TTLL7: variants seen among roughly 807,000 people sequenced by gnomAD.
TTLL7 encodes the protein tubulin polyglutamylase TTLL7.
In TTLL7, 53 loss-of-function variants were observed where a neutral mutation model predicts 120.2. The observed-to-expected ratio is 0.44, with a 90% CI of 0.35 to 0.55. TTLL7 has a LOEUF of 0.55. Among genes scored for constraint, TTLL7 ranks in the 20% least tolerant of loss-of-function variants. The pLI is 0.00. For synonymous variants in TTLL7, 353 were observed against 351.7 expected (o/e 1.00, Z -0.04); for missense variants, 803 against 1,054.7 (o/e 0.76, Z 3.31).
At chr1:83,924,643 G>GCC (rs1658963382) in intron 10 of TTLL7, among the ~76,000 whole-genome samples, 1 of 152,116 alleles carries the variant, frequency 6.6e-6, no homozygotes, top group Admixed American at 6.6e-5. Context: ...AGAGATGGAT[G>GCC]GTGGTGATAG....
Position 83,911,220 on chromosome 1 carries a change from C to T in TTLL7, c.1731G>A (p.Lys577=), listed in dbSNP as rs773385633. 9 of 1,613,164 alleles carry T rather than the reference C, an allele frequency of 5.6e-6. No individual in the cohort carries two copies. Among genetic ancestry groups the T allele is most frequent in the Non-Finnish European group, 6.8e-6 (8 of 1,179,426 alleles). Residue 577 remains lysine (K), a synonymous_variant, in exon 15 of 21, where the codon AAG becomes AAA. Coordinates refer to ENST00000260505, the MANE Select transcript of TTLL7 (RefSeq NM_024686.6). Reference sequence around the variant, plus strand: ...AGGGTTTAAGATTATATGTAACTTGCTTTTCTCTTTTCTTATTTTGGTACT... The same window carrying T: ...AGGGTTTAAGATTATATGTAACTTGTTTTTCTCTTTTCTTATTTTGGTACT... The part of the protein sequence containing the change: ...KEEYQNKKRE[K]QVTYNLKPSN...
At chr1:83,884,087 TCATGGTTTATATCAGGAAACACCTCA>T (rs2100712566) in intron 19 of TTLL7, among the ~76,000 whole-genome samples, 2 of 151,676 alleles carry the variant, frequency 1.3e-5, no homozygotes, top group Admixed American at 1.3e-4. Context: ...CATCATGGCA[TCATGGTTTATATCAGGAAACACCTCA>T]CTACTCCACC....
chr1:83,908,606 C>G (rs1398641190), intron 15 of TTLL7, among the ~76,000 whole-genome samples: 1 of 151,946 alleles, frequency 6.6e-6, no homozygotes, highest in Non-Finnish European at 1.5e-5. Context: ...ACCAACTGTT[C>G]CAGATAAATT....
rs144820907 is a variant in TTLL7 at position 83,943,830 on chromosome 1, T to C, written c.507-1151A>G. On this transcript the variant is annotated intron_variant, in intron 6 of 20. Coordinates refer to ENST00000260505, the MANE Select transcript of TTLL7 (RefSeq NM_024686.6). ...TTGCGAGGAAGCCCAGACATTGGGT[T>C]TACTGGATAATCAACTATTTAAAAT... Among the ~76,000 whole-genome samples the C allele has an allele frequency of 3.0e-3, 460 of 152,308 alleles. 2 individuals carry two copies. Among genetic ancestry groups the C allele is most frequent in the African/African-American group, 0.01 (426 of 41,580 alleles).
intron 5 of TTLL7, among the ~76,000 whole-genome samples, chr1:83,948,214 C>CACAG (rs1471118184): frequency 6.6e-6 from 1 of 150,486 alleles, no homozygotes; most frequent in Non-Finnish European, 1.5e-5. Context: ...CACACACACA[C>CACAG]AGCTTATAAT....
intron 13 of TTLL7, among the ~76,000 whole-genome samples, chr1:83,918,747 T>C (rs1196495610): frequency 6.6e-6 from 1 of 152,172 alleles, no homozygotes; most frequent in Non-Finnish European, 1.5e-5. Context: ...CAGAAAGCTT[T>C]ACTTTAGGTA....
rs1339093841 is a variant in TTLL7, at chr1:83,947,219, T to A, written c.411A>T (p.Glu137Asp). The change falls in exon 6 of 21, where the codon GAA becomes GAT. Residue 137 changes from glutamate (E) to aspartate (D), a missense_variant. This residue lies in a region of TTLL7 where 324 missense variants were observed against 507.7 expected (regional missense o/e 0.64). Transcript: ENST00000260505. ...FVPRTWIFPA[E>D]YTQFQNYVKE... ...TCACATAATTTTGGAATTGAGTATA[T>A]TCAGCAGGAAAGATCCAAGTTCGAG... The A allele has an allele frequency of 6.2e-7, 1 of 1,613,092 alleles. No homozygotes were observed. Among genetic ancestry groups the A allele is most frequent in the African/African-American group, 1.3e-5 (1 of 74,996 alleles).
chr1:83,881,600 G>C (rs1229940006), intron 20 of TTLL7, among the ~76,000 whole-genome samples: 1 of 152,116 alleles, frequency 6.6e-6, no homozygotes, highest in Non-Finnish European at 1.5e-5. Context: ...AGGTGCTGGA[G>C]AGGATGTGGA....
At chr1:83,918,352 G>T (rs1256996148) in intron 13 of TTLL7, among the ~76,000 whole-genome samples, 1 of 152,110 alleles carries the variant, frequency 6.6e-6, no homozygotes, top group Non-Finnish European at 1.5e-5. Flanking sequence ...TACCCCAGTG[G>T]ATATTAGGCA....
chr1:83,918,280 C>T (rs373887659), intron 13 of TTLL7, among the ~76,000 whole-genome samples: 70 of 152,256 alleles, frequency 4.6e-4, no homozygotes, highest in African/African-American at 1.6e-3. Context: ...AGTGCCCTAA[C>T]ACCTTTCCTG....
chr1:83,919,885 C>T (rs745508853), intron 12 of TTLL7, 51 bp from the exon 13 acceptor site: 1 of 1,553,718 alleles, frequency 6.4e-7, no homozygotes, highest in Non-Finnish European at 8.8e-7. Context: ...TGTCGTAGCT[C>T]AATAGTTAAC....
At chr1:83,881,466 A>C (rs1452741435) in intron 20 of TTLL7, among the ~76,000 whole-genome samples, 1 of 151,886 alleles carries the variant, frequency 6.6e-6, no homozygotes, top group Admixed American at 6.6e-5. Context: ...ACATTTATGC[A>C]GCCAAAAAAC....
chr1:83,947,009 C>A lies in TTLL7; in HGVS notation c.506+115G>T, dbSNP rs573170146. The A allele has an allele frequency of 5.1e-6, 4 of 780,444 alleles. No individual in the cohort carries two copies. The South Asian group carries it at 8.1e-5, about 16-fold the overall frequency. The allele number at this position is 780,444 out of a possible 1,614,324, so 48.3% of individuals were successfully genotyped here. Reference sequence around the variant, plus strand: ...GTTCCAAAACTACAATAGTTAGAAACCTATTTCGTTATTTTTTCATATTGG... The same window carrying A: ...GTTCCAAAACTACAATAGTTAGAAAACTATTTCGTTATTTTTTCATATTGG... On this transcript the variant is annotated intron_variant, in intron 6 of 20. Coordinates refer to ENST00000260505, the MANE Select transcript of TTLL7 (RefSeq NM_024686.6).
At chr1:83,945,487 G>A (rs1648398984) in intron 6 of TTLL7, among the ~76,000 whole-genome samples, 2 of 152,126 alleles carry the variant, frequency 1.3e-5, no homozygotes, top group Non-Finnish European at 2.9e-5. Context: ...GAATTGAAGG[G>A]AGAAATACTT....
At chr1:83,942,328 G>C (rs1227762540) in intron 7 of TTLL7, 135 bp downstream of exon 7, 1 of 642,722 alleles carries the variant, frequency 1.6e-6, no homozygotes. Context: ...TCTTATTTAT[G>C]TACACAATTC....
intron 19 of TTLL7, among the ~76,000 whole-genome samples, chr1:83,888,009 G>A (rs924873400): frequency 1.2e-4 from 19 of 152,022 alleles, no homozygotes; most frequent in African/African-American, 4.3e-4. Flanking sequence ...ATTGTGCCAA[G>A]GATAGGAGAA....
intron 7 of TTLL7, among the ~76,000 whole-genome samples, chr1:83,938,493 G>A (rs1210596402): frequency 6.6e-6 from 1 of 152,100 alleles, no homozygotes; most frequent in Non-Finnish European, 1.5e-5. Context: ...AAGCCGAGAG[G>A]CAGGACTACC....
At chr1:83,885,165 TATAC>T (rs2100714949) in intron 19 of TTLL7, 1 of 194,414 alleles carries the variant, frequency 5.1e-6, no homozygotes, top group Admixed American at 6.5e-5. Flanking sequence ...TAAAATTTCA[TATAC>T]ATGTGAATAT....
chr1:83,892,571 T>TATGAAC (rs1655718008), intron 18 of TTLL7, among the ~76,000 whole-genome samples: 2 of 133,784 alleles, frequency 1.5e-5, no homozygotes, highest in African/African-American at 5.8e-5. Flanking sequence ...TATGAACATA[T>TATGAAC]ATATGAACAT....
Sources: gnomAD v4.1 joint callset for allele counts (sites outside exome capture counted in the v4.1 genomes callset) on GRCh38, gnomAD v4.1.1 for gene constraint, gnomAD v4.1.1 regional missense constraint, MANE v1.5 for transcripts, NCBI Gene and HGNC (gene_info 2026-07-23, HGNC 2026-07-21) for gene names.